Variants in DNAH9 observed in about 807,000 individuals in gnomAD.
The protein encoded by DNAH9 is dynein axonemal heavy chain 9, also known as DNAH9 variant protein.
Under a neutral mutation model 471.6 loss-of-function variants are expected in DNAH9, and 345 were observed. That is an observed-to-expected ratio of 0.73 (90% CI 0.67 to 0.80). DNAH9 has a LOEUF of 0.80. DNAH9 is among the 30% of genes least tolerant of loss of function. The pLI is 0.00. For synonymous variants in DNAH9, 2,093 were observed against 2,123.6 expected (o/e 0.99, Z 0.40); for missense variants, 5,407 against 5,609.2 (o/e 0.96, Z 1.15).
At chr17:11,728,687 C>T (rs930547185) in intron 28 of DNAH9, among the ~76,000 whole-genome samples, 4 of 152,058 alleles carry the variant, frequency 2.6e-5, no homozygotes, top group Non-Finnish European at 5.9e-5. Context: ...CATGAACAAT[C>T]GGAGCAGTAG....
At chr17:11,810,520 T>G (rs1015681203) in intron 45 of DNAH9, 151 bp downstream of exon 45, 6 of 952,870 alleles carry the variant, frequency 6.3e-6, no homozygotes, top group African/African-American at 1.7e-5. Context: ...ATTGAGGTCC[T>G]TCTCAGCATT....
At chr17:11,960,567 C>G (rs568171090) in intron 67 of DNAH9, among the ~76,000 whole-genome samples, 1 of 149,250 alleles carries the variant, frequency 6.7e-6, no homozygotes, top group East Asian at 2.0e-4. Context: ...CGAGACCAGC[C>G]TGGCCAACAT....
chr17:11,803,451 A>G (rs942715468), intron 43 of DNAH9, among the ~76,000 whole-genome samples: 1 of 152,100 alleles, frequency 6.6e-6, no homozygotes, highest in Admixed American at 6.5e-5. Flanking sequence ...AACTTCCTCC[A>G]GCTGTGCGAT....
In DNAH9 at chr17:11,756,674, C is replaced by G. The variant is rs376540838; in HGVS notation, c.6845C>G (p.Ala2282Gly). The change falls in exon 34 of 69, where the codon GCA (alanine) becomes GGA (glycine). Residue 2282 changes from alanine to glycine, a missense_variant and splice_region_variant. Physicochemically the swap from Ala to Gly is moderately conservative, Grantham distance 60 (BLOSUM62 0). Transcript: ENST00000262442. Reference sequence around the variant, plus strand: ...GCCACTCCAGCAACTGTCTCTAGAGCAGGTACGGCCCAAGAAGGGAAGAAC... The same window carrying G: ...GCCACTCCAGCAACTGTCTCTAGAGGAGGTACGGCCCAAGAAGGGAAGAAC... ...RTATPATVSRAGILYINPADL... is the reference protein window; with the variant it reads ...RTATPATVSRGGILYINPADL... 10 of 1,592,894 alleles carry G rather than the reference C, an allele frequency of 6.3e-6. No individual in the cohort carries two copies. The African/African-American group carries it at 1.2e-4, about 19-fold the overall frequency.
In DNAH9 at chr17:11,685,304, C is replaced by T. The variant is rs574243380; in HGVS notation, c.3744-4262C>T. Among the ~76,000 whole-genome samples the T allele has an allele frequency of 1.4e-4, 21 of 152,160 alleles. No individual in the cohort carries two copies. In the East Asian group the frequency reaches 1.9e-3, roughly 14 times the overall value. ...TTCTGGGCAAAGGAAATAGCACATACGAAGATGCAGAAGGATGAAAATGTA... is the reference window on the plus strand; with the variant it reads ...TTCTGGGCAAAGGAAATAGCACATATGAAGATGCAGAAGGATGAAAATGTA... On this transcript the variant is annotated intron_variant, in intron 19 of 68. Transcript: ENST00000262442.
At chr17:11,739,304 C>T (rs1023821519) in intron 29 of DNAH9, among the ~76,000 whole-genome samples, 2 of 152,124 alleles carry the variant, frequency 1.3e-5, no homozygotes, top group African/African-American at 4.8e-5. Context: ...ATTTCGTAGT[C>T]TCTCATAATC....
Position 11,694,465 on chromosome 17 carries a change from C to A in DNAH9, c.4872+18C>A, listed in dbSNP as rs1567724273. 1.9e-6 allele frequency: 3 copies of A among 1,613,174 alleles called. No individual in the cohort carries two copies. Among genetic ancestry groups the A allele is most frequent in the Non-Finnish European group, 2.5e-6 (3 of 1,179,740 alleles). On this transcript the variant is annotated intron_variant, in intron 22 of 68. Coordinates refer to ENST00000262442, the MANE Select transcript of DNAH9 (RefSeq NM_001372.4). ...CACAACAGGTAAGCTGGAGGAGCAT[C>A]TGCAGAAAGGTCTAGGAGGGCTGAG...
intron 67 of DNAH9, among the ~76,000 whole-genome samples, chr17:11,946,740 T>C (rs1315950020): frequency 2.0e-5 from 3 of 149,834 alleles, no homozygotes; most frequent in Admixed American, 1.3e-4. Context: ...ATTTTAAAAT[T>C]GAAAAAGAAA....
At position 11,932,159 on chromosome 17, in the gene DNAH9, C is replaced by T; in HGVS notation, c.12251C>T (p.Thr4084Ile). The T allele has an allele frequency of 6.2e-7, 1 of 1,614,124 alleles. No individual in the cohort carries two copies. Residue 4084 changes from threonine to isoleucine, a missense_variant, in exon 64 of 69, where the codon ACT becomes ATT. By Grantham distance (89) the Thr-to-Ile change is moderately conservative. This residue lies in a region of DNAH9 where 4,636 missense variants were observed against 4,900.3 expected (regional missense o/e 0.95). Transcript: ENST00000262442. The surrounding 1 kb of genome is among the most constrained non-coding windows in gnomAD (Gnocchi z 4.3). ...TACCCCTTTAACACTGGAGACCTCA[C>T]TATCTCTGTGAATGTCCTCTACAAC... Reference protein sequence around the residue: ...RSYPFNTGDLTISVNVLYNFL... With the variant: ...RSYPFNTGDLIISVNVLYNFL...
At chr17:11,958,602 A>G (rs974755104) in intron 67 of DNAH9, among the ~76,000 whole-genome samples, 4 of 152,164 alleles carry the variant, frequency 2.6e-5, no homozygotes, top group Non-Finnish European at 5.9e-5. Context: ...CAGGTGCATC[A>G]CTTGTAACAA....
intron 35 of DNAH9, among the ~76,000 whole-genome samples, chr17:11,759,517 CT>C (rs1157505657): frequency 0.029 from 2,399 of 83,876 alleles, 20 homozygotes; most frequent in African/African-American, 0.084. Flanking sequence ...ATACACACCA[CT>C]TTTTTTTTTT....
chr17:11,851,278 A>G (rs1321965849), intron 49 of DNAH9, among the ~76,000 whole-genome samples: 1 of 151,978 alleles, frequency 6.6e-6, no homozygotes, highest in Non-Finnish European at 1.5e-5. Flanking sequence ...CATCACACCT[A>G]GCTAATCTTT....
At position 11,837,509 on chromosome 17, in the gene DNAH9, A is replaced by G. The variant is rs75040455; in HGVS notation, c.9507+2611A>G. The stretch of plus-strand genomic sequence containing the variant: ...TATATCCAAAATTCAAATACTTTGG[A>G]TCCTCCCTACTGCTACCACTCAGGT... On this transcript the variant is annotated intron_variant, in intron 49 of 68. Coordinates refer to ENST00000262442, the MANE Select transcript of DNAH9 (RefSeq NM_001372.4). 7.0e-3 allele frequency among the ~76,000 whole-genome samples: 1,070 copies of G among 152,014 alleles called. 15 individuals are homozygous for G. The highest frequency in any genetic ancestry group is 0.025 in the African/African-American group (1,036 of 41,444).
intron 26 of DNAH9, among the ~76,000 whole-genome samples, chr17:11,708,925 T>C (rs2074781058): frequency 6.6e-6 from 1 of 152,130 alleles, no homozygotes; most frequent in Non-Finnish European, 1.5e-5. Context: ...CAAGAAATAC[T>C]CCTTGAGTGA....
chr17:11,806,069 A>G (rs1272960824), intron 43 of DNAH9, among the ~76,000 whole-genome samples: 1 of 152,132 alleles, frequency 6.6e-6, no homozygotes, highest in Non-Finnish European at 1.5e-5. Flanking sequence ...TCCCCAAATC[A>G]CCAATACCTG....
Position 11,784,336 on chromosome 17 carries a change from G to A in DNAH9, c.7858G>A (p.Ala2620Thr). 1 of 1,614,138 alleles carries A rather than the reference G, an allele frequency of 6.2e-7. No individual in the cohort carries two copies. Among genetic ancestry groups the A allele is most frequent in the Non-Finnish European group, 8.5e-7 (1 of 1,180,034 alleles). Residue 2620 changes from alanine (A) to threonine (T), a missense_variant, in exon 41 of 69, where the codon GCA becomes ACA. Transcript: ENST00000262442. Reference protein sequence around the residue: ...FSVFVLSFPGADALSSIYSII... With the variant: ...FSVFVLSFPGTDALSSIYSII... ...CGTGTTTGTCCTCTCCTTCCCGGGGGCAGATGCCCTGTCCTCTATCTACAG... is the reference window on the plus strand; with the variant it reads ...CGTGTTTGTCCTCTCCTTCCCGGGGACAGATGCCCTGTCCTCTATCTACAG...
At chr17:11,640,118 A>C in intron 9 of DNAH9, 152 bp from the exon 10 acceptor site, 5 of 619,912 alleles carry the variant, frequency 8.1e-6, no homozygotes, top group Non-Finnish European at 1.1e-5. Flanking sequence ...TTCCTCTTTA[A>C]CAGAACCCCC....
chr17:11,898,921 T>G lies in DNAH9; in HGVS notation c.11407-3798T>G, dbSNP rs527888828. On this transcript the variant is annotated intron_variant, in intron 59 of 68. Transcript: ENST00000262442. ...CTTGCTTCACTTTGCTTTTTTGTTT[T>G]GTTTTGTGGGCTAAGCTCATCTGGC... Among the ~76,000 whole-genome samples, 11 of 152,354 alleles carry G rather than the reference T, an allele frequency of 7.2e-5. No individual in the cohort carries two copies. In the East Asian group the frequency reaches 2.1e-3, roughly 29 times the overall value.
At position 11,784,421 on chromosome 17, in the gene DNAH9, T is replaced by C. The variant is rs747715806; in HGVS notation, c.7943T>C (p.Ile2648Thr). 4 of 1,614,018 alleles carry C rather than the reference T, an allele frequency of 2.5e-6. No homozygotes were observed. In the East Asian group the frequency reaches 6.7e-5, roughly 27 times the overall value. ...GNFPASLQKS[I>T]PPLIDLALAF... ...TTCCCGGCGTCCCTGCAGAAATCCA[T>C]CCCCCCACTGATCGATCTGGCCCTC... Residue 2648 changes from isoleucine to threonine, a missense_variant, in exon 41 of 69, where the codon ATC becomes ACC. Physicochemically the swap from Ile to Thr is moderately conservative, Grantham distance 89. Coordinates refer to ENST00000262442, the MANE Select transcript of DNAH9 (RefSeq NM_001372.4).
Sources: allele counts gnomAD v4.1 joint callset (sites outside exome capture counted in the v4.1 genomes callset), GRCh38; gene constraint gnomAD v4.1.1; regional missense constraint gnomAD v4.1.1; non-coding constraint Gnocchi (gnomAD v3.1); transcripts MANE v1.5; gene names NCBI Gene and HGNC (gene_info 2026-07-23, HGNC 2026-07-21).